Variants in SNAP91 observed in about 807,000 individuals in gnomAD.
The protein encoded by SNAP91 is synaptosome associated protein 91, also known as clathrin coat assembly protein AP180.
Under a neutral mutation model 100.3 loss-of-function variants are expected in SNAP91, and 27 were observed. The ratio of observed to expected loss-of-function variants is 0.27; its 90% CI spans 0.20 to 0.37. The LOEUF is 0.37. Among genes scored for constraint, SNAP91 ranks in the 10% least tolerant of loss-of-function variants. The pLI is 1.00. For synonymous variants in SNAP91, 404 were observed against 398.6 expected, an observed-to-expected ratio of 1.01 and a Z score of -0.16; for missense variants, 986 against 1,123.7, an observed-to-expected ratio of 0.88 and a Z score of 1.75.
chr6:83,581,247 C>A (rs1827973702), intron 23 of SNAP91, among the ~76,000 whole-genome samples: 2 of 152,000 alleles, frequency 1.3e-5, no homozygotes, highest in South Asian at 2.1e-4. Flanking sequence ...TAATAGGTAC[C>A]TGAAAAAGTT....
At chr6:83,689,339 C>A (rs1272322830) in intron 2 of SNAP91, among the ~76,000 whole-genome samples, 2 of 152,076 alleles carry the variant, frequency 1.3e-5, no homozygotes, top group African/African-American at 2.4e-5. Context: ...TCCAATTAAT[C>A]CCTCAAAATT....
At chr6:83,691,031 T>C (rs1207403215) in intron 2 of SNAP91, among the ~76,000 whole-genome samples, 1 of 152,042 alleles carries the variant, frequency 6.6e-6, no homozygotes, top group African/African-American at 2.4e-5. Flanking sequence ...ATTTGCCCTT[T>C]TCACACTCTT....
At chr6:83,621,383 C>G (rs920297563) in intron 9 of SNAP91, among the ~76,000 whole-genome samples, 7 of 151,974 alleles carry the variant, frequency 4.6e-5, no homozygotes, top group African/African-American at 1.7e-4. Context: ...CGCTTAAGGT[C>G]ATAACAAAAG....
At chr6:83,633,959 G>A (rs1250086590) in intron 8 of SNAP91, among the ~76,000 whole-genome samples, 2 of 151,698 alleles carry the variant, frequency 1.3e-5, no homozygotes, top group African/African-American at 4.8e-5. Flanking sequence ...TTGTGGGTGG[G>A]GGGAGGGCGG....
chr6:83,689,979 A>G (rs2128980296), intron 2 of SNAP91, among the ~76,000 whole-genome samples: 1 of 151,886 alleles, frequency 6.6e-6, no homozygotes, highest in South Asian at 2.1e-4. Flanking sequence ...CTCATCATTT[A>G]CTTTTTCTCA....
chr6:83,575,210 GGTTTAAAAGCA>G (rs1816305550), intron 25 of SNAP91, 89 bp from the exon 26 acceptor site: 3 of 914,040 alleles, frequency 3.3e-6, no homozygotes, highest in East Asian at 5.3e-5. Context: ...ATTTTATTTG[GGTTTAAAAGCA>G]GTTTATTTAG....
chr6:83,555,666 GA>G (rs761413974), intron 29 of SNAP91, among the ~76,000 whole-genome samples: 2 of 152,076 alleles, frequency 1.3e-5, no homozygotes, highest in African/African-American at 4.8e-5. Context: ...TAGAACATTA[GA>G]AATTTAAAAC....
At chr6:83,587,603 A>C (rs1006570366) in intron 22 of SNAP91, among the ~76,000 whole-genome samples, 5 of 152,172 alleles carry the variant, frequency 3.3e-5, no homozygotes, top group Non-Finnish European at 7.3e-5. Flanking sequence ...CTTCACTGCA[A>C]ATTACTACAC....
At chr6:83,680,868 T>C (rs746796730) in intron 2 of SNAP91, among the ~76,000 whole-genome samples, 20 of 152,116 alleles carry the variant, frequency 1.3e-4, no homozygotes, top group Non-Finnish European at 2.6e-4. Context: ...AGTAAGAATT[T>C]GGAGATCTCA....
intron 8 of SNAP91, among the ~76,000 whole-genome samples, chr6:83,635,164 A>G (rs1300849115): frequency 6.6e-6 from 1 of 152,126 alleles, no homozygotes; most frequent in Non-Finnish European, 1.5e-5. Context: ...CAATTGGTCT[A>G]GTGTCAAATT....
intron 13 of SNAP91, among the ~76,000 whole-genome samples, chr6:83,606,387 A>G (rs1281868903): frequency 6.6e-6 from 1 of 152,034 alleles, no homozygotes; most frequent in East Asian, 1.9e-4. Context: ...TGCATTTTTT[A>G]TTTTTACTCA....
chr6:83,586,036 G>C (rs563398262), intron 22 of SNAP91, among the ~76,000 whole-genome samples: 3 of 151,974 alleles, frequency 2.0e-5, no homozygotes, highest in Non-Finnish European at 4.4e-5. Context: ...TTTTAGTAGA[G>C]ATGGGGTTTC....
At chr6:83,557,014 A>C (rs891617912) in intron 28 of SNAP91, among the ~76,000 whole-genome samples, 2 of 152,200 alleles carry the variant, frequency 1.3e-5, no homozygotes, top group Admixed American at 6.5e-5. Flanking sequence ...TACTATAGGA[A>C]AGAATCATAT....
At chr6:83,560,522 T>C (rs545316309) in intron 27 of SNAP91, among the ~76,000 whole-genome samples, 2 of 152,298 alleles carry the variant, frequency 1.3e-5, no homozygotes, top group Non-Finnish European at 2.9e-5. Flanking sequence ...TGAAAGATGG[T>C]CCTAAAATTG....
rs2099070438 is a variant in SNAP91, at chr6:83,687,086, C to T, written c.130+20712G>A. On this transcript the variant is annotated intron_variant, in intron 2 of 29. Coordinates refer to ENST00000369694, the MANE Select transcript of SNAP91 (RefSeq NM_001242792.2). Reference sequence around the variant, plus strand: ...TTATTTGATTACAGTTAGCCAGGTACCCTATGCTTCATGCAACCTAGCTGT... The same window carrying T: ...TTATTTGATTACAGTTAGCCAGGTATCCTATGCTTCATGCAACCTAGCTGT... 2.6e-5 allele frequency among the ~76,000 whole-genome samples: 4 copies of T among 152,236 alleles called. No homozygotes were observed. The South Asian group carries it at 8.3e-4, about 32-fold the overall frequency.
chr6:83,663,074 T>C (rs1025569828), intron 3 of SNAP91, among the ~76,000 whole-genome samples: 1 of 152,108 alleles, frequency 6.6e-6, no homozygotes, highest in East Asian at 1.9e-4. Context: ...TTGTTCTGAG[T>C]TGCCATGAAC....
intron 8 of SNAP91, 23 bp from the exon 9 acceptor site, chr6:83,623,365 A>G: frequency 6.4e-7 from 1 of 1,564,904 alleles, no homozygotes; most frequent in Non-Finnish European, 8.7e-7. Context: ...AAAATTAGAA[A>G]TTAGTAGAAC....
intron 7 of SNAP91, among the ~76,000 whole-genome samples, chr6:83,643,333 TAA>T (rs1416854971): frequency 3.3e-5 from 5 of 152,242 alleles, no homozygotes; most frequent in Non-Finnish European, 7.3e-5. Context: ...GTCTAACATT[TAA>T]GTCTTTAATC....
intron 28 of SNAP91, among the ~76,000 whole-genome samples, chr6:83,557,433 C>T (rs1023784111): frequency 5.9e-5 from 9 of 151,730 alleles, no homozygotes; most frequent in Admixed American, 3.3e-4. Flanking sequence ...TTTGGGAGGC[C>T]GAGGCAGGAG....
Sources: allele counts gnomAD v4.1 joint callset (sites outside exome capture counted in the v4.1 genomes callset), GRCh38; gene constraint gnomAD v4.1.1; transcripts MANE v1.5; gene names NCBI Gene and HGNC (gene_info 2026-07-23, HGNC 2026-07-21).